Variants in GALNT11 observed in about 807,000 individuals in gnomAD.
The protein encoded by GALNT11 is polypeptide N-acetylgalactosaminyltransferase 11, also known as UDP-GalNAc:polypeptide N-acetylgalactosaminyltransferase 11.
A neutral mutation model predicts 72.7 loss-of-function variants in GALNT11; 47 were observed. That is an observed-to-expected ratio of 0.65 (90% CI 0.51 to 0.82). The LOEUF is 0.82. Ranked by LOEUF, GALNT11 falls within the 40% of genes least tolerant of loss-of-function variation. The pLI, the probability that GALNT11 is intolerant of heterozygous loss-of-function variation, is 0.00. For synonymous variants in GALNT11, 270 were observed against 286.6 expected (o/e 0.94, Z 0.58); for missense variants, 677 against 778.4 (o/e 0.87, Z 1.55).
intron 1 of GALNT11, among the ~76,000 whole-genome samples, chr7:152,060,626 C>T (rs548193197): frequency 5.3e-5 from 8 of 152,086 alleles, no homozygotes; most frequent in South Asian, 2.1e-4. Flanking sequence ...CCCTCCCCCC[C>T]CTCCACCCCA....
Position 152,120,935 on chromosome 7 carries a change from C to CGG in GALNT11, c.1664_1665dup (p.Ser556GlyfsTer25). 1 of 1,614,056 alleles carries CGG rather than the reference C, an allele frequency of 6.2e-7. No individual in the cohort carries two copies. Among genetic ancestry groups the CGG allele is most frequent in the Non-Finnish European group, 8.5e-7 (1 of 1,179,990 alleles). On this transcript the variant is annotated frameshift_variant, in exon 11 of 12. Transcript: ENST00000430044. LOFTEE classifies it high-confidence loss of function. ...ACCCGCCACGGCTCATGAAATGCCACGGGTCAGGAGGATCCCAGCAGTGGA... is the reference window on the plus strand; with the variant it reads ...ACCCGCCACGGCTCATGAAATGCCACGGGGGTCAGGAGGATCCCAGCAGTGGA...
intron 1 of GALNT11, among the ~76,000 whole-genome samples, chr7:152,036,676 A>G (rs2082595638): frequency 6.6e-6 from 1 of 152,194 alleles, no homozygotes; most frequent in South Asian, 2.1e-4. Context: ...TGGTCTCCAT[A>G]GTGCTTGTAC....
intron 6 of GALNT11, among the ~76,000 whole-genome samples, chr7:152,108,657 T>G (rs1231424321): frequency 1.3e-5 from 2 of 152,232 alleles, no homozygotes; most frequent in East Asian, 3.8e-4. Context: ...GGAGTGATGT[T>G]GTGAAAAACA....
chr7:152,116,167 C>T (rs980237596), intron 8 of GALNT11, among the ~76,000 whole-genome samples: 4 of 152,194 alleles, frequency 2.6e-5, no homozygotes, highest in African/African-American at 9.7e-5. Context: ...GTAGTATTTT[C>T]CAAATGACTA....
intron 1 of GALNT11, among the ~76,000 whole-genome samples, chr7:152,050,087 G>A (rs758779272): frequency 6.6e-6 from 1 of 151,992 alleles, no homozygotes; most frequent in East Asian, 1.9e-4. Flanking sequence ...CCAAGGGCCC[G>A]CTTGGTGCTC....
chr7:152,032,729 A>G (rs1310517697), intron 1 of GALNT11, among the ~76,000 whole-genome samples: 1 of 152,162 alleles, frequency 6.6e-6, no homozygotes, highest in Non-Finnish European at 1.5e-5. Context: ...CCAGACTTCA[A>G]GGTAGATTCC....
chr7:152,100,564 CAAA>C (rs377364453), intron 2 of GALNT11, among the ~76,000 whole-genome samples: 3 of 103,834 alleles, frequency 2.9e-5, no homozygotes, highest in Non-Finnish European at 4.1e-5. Flanking sequence ...AACTCCATCT[CAAA>C]AAAAAAAAAA....
At chr7:152,033,959 C>G (rs1438577944) in intron 1 of GALNT11, among the ~76,000 whole-genome samples, 8 of 152,170 alleles carry the variant, frequency 5.3e-5, no homozygotes, top group South Asian at 2.1e-4. Context: ...CAAGTGACAT[C>G]GAAGGTTTGC....
At chr7:152,034,240 A>G (rs2082446138) in intron 1 of GALNT11, among the ~76,000 whole-genome samples, 1 of 152,186 alleles carries the variant, frequency 6.6e-6, no homozygotes, top group Non-Finnish European at 1.5e-5. Flanking sequence ...AGGATAGGAT[A>G]TGGGGGTAAG....
intron 1 of GALNT11, among the ~76,000 whole-genome samples, chr7:152,056,887 A>C (rs2083709142): frequency 6.6e-6 from 1 of 151,044 alleles, no homozygotes; most frequent in African/African-American, 2.4e-5. Flanking sequence ...CTCAGGCTGG[A>C]GTGCAGTACA....
chr7:152,096,956 T>C (rs1035866367), intron 2 of GALNT11, among the ~76,000 whole-genome samples: 2 of 151,996 alleles, frequency 1.3e-5, no homozygotes, highest in African/African-American at 2.4e-5. Context: ...GCCTCTCGAG[T>C]AGCTGGGGCT....
intron 1 of GALNT11, among the ~76,000 whole-genome samples, chr7:152,046,771 A>G (rs2083147974): frequency 6.6e-6 from 1 of 151,986 alleles, no homozygotes. Context: ...TTGACTGGGG[A>G]GTTAGTCCAT....
chr7:152,061,177 G>A (rs1346753515), intron 1 of GALNT11, among the ~76,000 whole-genome samples: 3 of 152,328 alleles, frequency 2.0e-5, no homozygotes, highest in South Asian at 4.1e-4. Flanking sequence ...TAATTGGTGT[G>A]AGATGGTATC....
chr7:152,074,483 C>T (rs1342500240), intron 1 of GALNT11: 1 of 152,178 alleles, frequency 6.6e-6, no homozygotes, highest in Non-Finnish European at 1.5e-5. Context: ...CTATTCTGTT[C>T]CATTGCTCTG....
intron 2 of GALNT11, among the ~76,000 whole-genome samples, chr7:152,100,334 G>C (rs746771080): frequency 6.6e-6 from 1 of 151,946 alleles, no homozygotes; most frequent in Admixed American, 6.6e-5. Context: ...TTGGGAGGCC[G>C]AGGTGGGCAG....
At chr7:152,055,520 CGTGTGTGTGTGT>C (rs3031460) in intron 1 of GALNT11, among the ~76,000 whole-genome samples, 4,203 of 136,486 alleles carry the variant, frequency 0.031, 200 homozygotes, top group African/African-American at 0.1. Context: ...ATATATAAAG[CGTGTGTGTGTGT>C]GTGTGTGTGT....
In GALNT11 at chr7:152,121,741, T is replaced by C; in HGVS notation, c.*64T>C. ...TGCCTCCGGTGTGGAGTTTGGGGCT[T>C]TAGGAAAGCCTGGGTTGGGTGGAGC... On this transcript the variant is annotated 3_prime_UTR_variant, in exon 12 of 12. Coordinates refer to ENST00000430044, the MANE Select transcript of GALNT11 (RefSeq NM_022087.4). The C allele has an allele frequency of 1.3e-6, 2 of 1,570,160 alleles. No homozygotes were observed. The highest frequency in any genetic ancestry group is 2.4e-5 in the South Asian group (2 of 85,098).
chr7:152,088,509 T>C (rs1471993449), intron 1 of GALNT11, among the ~76,000 whole-genome samples: 2 of 150,316 alleles, frequency 1.3e-5, no homozygotes, highest in East Asian at 4.0e-4. Context: ...ACATGGTTGG[T>C]TTCAGGGTTT....
intron 1 of GALNT11, among the ~76,000 whole-genome samples, chr7:152,069,112 A>G (rs1489140892): frequency 1.3e-5 from 2 of 152,208 alleles, no homozygotes; most frequent in Non-Finnish European, 1.5e-5. Context: ...TGTGCTTTGT[A>G]TCCCACAAAT....
Sources: gnomAD v4.1 joint callset for allele counts (sites outside exome capture counted in the v4.1 genomes callset) on GRCh38, gnomAD v4.1.1 for gene constraint, MANE v1.5 for transcripts, NCBI Gene and HGNC (gene_info 2026-07-23, HGNC 2026-07-21) for gene names.